Variants in EXOC5 observed in about 807,000 individuals in gnomAD.
EXOC5 encodes exocyst complex component 5, also known as SEC10-like 1.
Under a neutral mutation model 90.8 loss-of-function variants are expected in EXOC5, and 17 were observed. The observed-to-expected ratio is 0.19, with a 90% CI of 0.13 to 0.28. EXOC5 has a LOEUF of 0.28. Among genes scored for constraint, EXOC5 ranks in the 10% least tolerant of loss-of-function variants. The probability of loss-of-function intolerance (pLI) is 1.00; values close to 1 mark genes in which losing one functional copy is unlikely to be tolerated. For synonymous variants in EXOC5, 260 were observed against 270.0 expected (o/e 0.96, Z 0.36); for missense variants, 569 against 830.6 (o/e 0.69, Z 3.87).
intron 1 of EXOC5, among the ~76,000 whole-genome samples, chr14:57,258,208 A>G (rs1884405367): frequency 6.6e-6 from 1 of 152,212 alleles, no homozygotes; most frequent in African/African-American, 2.4e-5. Context: ...TATATACCCA[A>G]AAGATTACAA....
Position 57,246,616 on chromosome 14 carries a change from A to G in EXOC5, c.270+95T>C, listed in dbSNP as rs1884040908. The G allele has an allele frequency of 2.9e-6, 3 of 1,024,328 alleles. No individual in the cohort carries two copies. The East Asian group carries it at 7.2e-5, about 24-fold the overall frequency. 63.5% of individuals were successfully genotyped at this position (1,024,328 alleles called of 1,614,324 possible). ...GTAGAAAGAAATCTTGACAGTTACT[A>G]TCATCTGACTAGACTTTTTTAAGAG... On this transcript the variant is annotated intron_variant, in intron 3 of 17. Transcript: ENST00000621441.
At position 57,200,553 on chromosome 14, in the gene EXOC5, C is replaced by T. The variant is rs1882471812; in HGVS notation, c.*8056G>A. 6.6e-6 allele frequency: 1 copy of T among 151,918 alleles called. No individual in the cohort carries two copies. Among genetic ancestry groups the T allele is most frequent in the African/African-American group, 2.4e-5 (1 of 41,378 alleles). The allele number at this position is 151,918 out of a possible 1,614,324, so 9.4% of individuals were successfully genotyped here. ...TTAGTAAAAATATCCTATTGGTATT[C>T]AGTGCTTAATGGTCAGGTTTCCATT... is the stretch of plus-strand genomic sequence containing the variant. On this transcript the variant is annotated 3_prime_UTR_variant, in exon 18 of 18. Coordinates refer to ENST00000621441, the MANE Select transcript of EXOC5 (RefSeq NM_006544.4).
intron 4 of EXOC5, 59 bp downstream of exon 4, chr14:57,244,106 C>T: frequency 2.7e-6 from 3 of 1,127,024 alleles, no homozygotes; most frequent in Non-Finnish European, 1.3e-6. Context: ...TATTGCAGCT[C>T]ATAATTAGGG....
intron 1 of EXOC5, among the ~76,000 whole-genome samples, chr14:57,249,199 A>G (rs1400903268): frequency 6.6e-6 from 1 of 152,156 alleles, no homozygotes; most frequent in East Asian, 1.9e-4. Context: ...GGTAGGTTCT[A>G]TTAATACCAA....
At chr14:57,246,554 A>AC (rs1431941064) in intron 3 of EXOC5, among the ~76,000 whole-genome samples, 157 bp downstream of exon 3, 1 of 152,222 alleles carries the variant, frequency 6.6e-6, no homozygotes, top group African/African-American at 2.4e-5. Context: ...GTACTTGATA[A>AC]CAATTCATTA....
In EXOC5 at chr14:57,253,339, G is replaced by T. The variant is rs572263978; in HGVS notation, c.28-5627C>A. ...AATAAAATAAGAATTAACAAAGGAG[G>T]CTAAAGACTTGTACAGTGCAAACTA... On this transcript the variant is annotated intron_variant, in intron 1 of 17. Coordinates refer to ENST00000621441, the MANE Select transcript of EXOC5 (RefSeq NM_006544.4). Among the ~76,000 whole-genome samples the T allele has an allele frequency of 2.6e-5, 4 of 152,218 alleles. No homozygotes were observed. In the South Asian group the frequency reaches 8.3e-4, roughly 32 times the overall value.
At chr14:57,254,890 C>T (rs1413782032) in intron 1 of EXOC5, among the ~76,000 whole-genome samples, 1 of 152,150 alleles carries the variant, frequency 6.6e-6, no homozygotes, top group Non-Finnish European at 1.5e-5. Context: ...GACTTCTCAG[C>T]CCCCAGAACA....
At position 57,234,013 on chromosome 14, in the gene EXOC5, T is replaced by C; in HGVS notation, c.689A>G (p.Asp230Gly). The change falls in exon 8 of 18, where the codon GAT (aspartate) becomes GGT (glycine). Residue 230 changes from aspartate (D) to glycine (G), a missense_variant. Asp to Gly is a moderately conservative substitution (Grantham distance 94). Transcript: ENST00000621441. ...LHFKGYSHCVDVYIKQCQEGA... is the reference protein window; with the variant it reads ...LHFKGYSHCVGVYIKQCQEGA... The stretch of plus-strand genomic sequence containing the variant: ...CTCCTGGCACTGCTTTATATAAACA[T>C]CAACACAATGGGAATAACCCTACAA... 1.3e-6 allele frequency: 2 copies of C among 1,596,878 alleles called. No individual in the cohort carries two copies. Among genetic ancestry groups the C allele is most frequent in the Non-Finnish European group, 1.7e-6 (2 of 1,164,646 alleles).
At chr14:57,231,767 A>T in intron 10 of EXOC5, 52 bp from the exon 11 acceptor site, 1 of 1,236,902 alleles carries the variant, frequency 8.1e-7, no homozygotes, top group Non-Finnish European at 1.1e-6. Flanking sequence ...TAGGTATAGT[A>T]ACAATATTAA....
chr14:57,241,898 C>T (rs990833855), intron 4 of EXOC5, among the ~76,000 whole-genome samples: 3 of 151,998 alleles, frequency 2.0e-5, no homozygotes, highest in African/African-American at 4.8e-5. Context: ...CTTTGGGAGG[C>T]CGAGGTGGGC....
At chr14:57,216,261 G>A in intron 15 of EXOC5, among the ~76,000 whole-genome samples, 1 of 143,028 alleles carries the variant, frequency 7.0e-6, no homozygotes, top group African/African-American at 2.9e-5. Context: ...AATTCCAAAG[G>A]CATTTTTCAC....
intron 13 of EXOC5, 81 bp downstream of exon 13, chr14:57,222,227 T>C (rs1451629878): frequency 3.1e-6 from 2 of 652,862 alleles, no homozygotes; most frequent in Non-Finnish European, 5.2e-6. Context: ...GAGATGATTA[T>C]AAGCAAAACA....
At chr14:57,258,015 T>C (rs1027166549) in intron 1 of EXOC5, among the ~76,000 whole-genome samples, 2 of 152,218 alleles carry the variant, frequency 1.3e-5, no homozygotes, top group African/African-American at 2.4e-5. Context: ...GATACTACCA[T>C]ATGAAATTTA....
chr14:57,263,568 C>G (rs1216675992), intron 1 of EXOC5, among the ~76,000 whole-genome samples: 1 of 151,318 alleles, frequency 6.6e-6, no homozygotes, highest in East Asian at 1.9e-4. Flanking sequence ...GAGTTCGAGA[C>G]CAGCCTGGCC....
chr14:57,205,558 G>T lies in EXOC5; in HGVS notation c.*3051C>A, dbSNP rs574228768. The T allele has an allele frequency of 1.2e-3, 327 of 281,344 alleles. No homozygotes were observed. The highest frequency in any genetic ancestry group is 2.0e-3 in the Non-Finnish European group (292 of 146,696). The allele number at this position is 281,344 out of a possible 1,614,324, so 17.4% of individuals were successfully genotyped here. A position where few individuals can be genotyped will look rare whatever the true frequency, so the allele number is the denominator to read the frequency against. On this transcript the variant is annotated 3_prime_UTR_variant, in exon 18 of 18. Transcript: ENST00000621441. ...CTTGACCACTTTAAGGGGTTTTGTG[G>T]CATTTCAAAAATCAAAATCTCTTTA...
intron 13 of EXOC5, among the ~76,000 whole-genome samples, chr14:57,221,591 G>T (rs1298312624): frequency 6.6e-6 from 1 of 152,154 alleles, no homozygotes; most frequent in Non-Finnish European, 1.5e-5. Flanking sequence ...TTTGCTGATG[G>T]ATTGGCTATC....
intron 1 of EXOC5, among the ~76,000 whole-genome samples, chr14:57,255,349 T>C (rs988147958): frequency 6.6e-6 from 1 of 152,148 alleles, no homozygotes; most frequent in African/African-American, 2.4e-5. Context: ...TAGAAACATT[T>C]GAGATGGATT....
chr14:57,224,845 T>TGA (rs1445157482), intron 12 of EXOC5, among the ~76,000 whole-genome samples: 3 of 152,264 alleles, frequency 2.0e-5, no homozygotes, highest in African/African-American at 7.2e-5. Context: ...GCGGATCACC[T>TGA]GAGGTCAGAG....
chr14:57,208,964 G>A (rs926941753), intron 17 of EXOC5, among the ~76,000 whole-genome samples, 167 bp from the exon 18 acceptor site: 1 of 152,108 alleles, frequency 6.6e-6, no homozygotes, highest in African/African-American at 2.4e-5. Context: ...AAAGATTTCA[G>A]TAGTTAAATA....
Sources: allele counts gnomAD v4.1 joint callset (sites outside exome capture counted in the v4.1 genomes callset), GRCh38; gene constraint gnomAD v4.1.1; transcripts MANE v1.5; gene names NCBI Gene and HGNC (gene_info 2026-07-23, HGNC 2026-07-21).